CNTNAP3: variants seen among roughly 807,000 people sequenced by gnomAD.
CNTNAP3 encodes contactin-associated protein-like 3.
CNTNAP3 carries 36 observed loss-of-function variants against 92.1 expected under a neutral mutation model. The observed-to-expected ratio is 0.39, with a 90% CI of 0.30 to 0.52. The LOEUF is 0.52. Among genes scored for constraint, CNTNAP3 ranks in the 20% least tolerant of loss-of-function variants. CNTNAP3 has a pLI of 0.76. For missense variants in CNTNAP3, 534 were observed against 1,069.6 expected, an observed-to-expected ratio of 0.50 and a Z score of 6.98; for synonymous variants, 232 against 422.3, an observed-to-expected ratio of 0.55 and a Z score of 5.53.
chr9:39,116,232 T>C (rs972797096), intron 14 of CNTNAP3, among the ~76,000 whole-genome samples: 5 of 152,126 alleles, frequency 3.3e-5, no homozygotes, highest in Non-Finnish European at 7.4e-5. Flanking sequence ...TCTGGCTTTC[T>C]TGTAATAACC....
intron 18 of CNTNAP3, among the ~76,000 whole-genome samples, chr9:39,095,121 TCTCA>T (rs1448841599): frequency 6.6e-6 from 1 of 151,708 alleles, no homozygotes; most frequent in Non-Finnish European, 1.5e-5. Context: ...GTTTCCTTAA[TCTCA>T]CTTTCAGATT....
chr9:39,079,568 T>C (rs1825880784), intron 21 of CNTNAP3, among the ~76,000 whole-genome samples: 2 of 152,084 alleles, frequency 1.3e-5, no homozygotes. Flanking sequence ...AGCATTTAAC[T>C]GTTAATTTTA....
rs1410806751 is a variant in CNTNAP3, at chr9:39,109,233, A to C, written c.2292T>G (p.Ile764Met). ...GTGGTCGGCCTGCGTCTGTCATCAC[A>C]ATCTGAGTGACTGGCAGGTGCTCCT... Reference protein sequence around the residue: ...SQKEHLPVTQIVMTDAGRPHS... With the variant: ...SQKEHLPVTQMVMTDAGRPHS... Residue 764 changes from isoleucine to methionine, a missense_variant, in exon 15 of 24, where the codon ATT becomes ATG. Ile to Met is a conservative substitution (Grantham distance 10). Coordinates refer to ENST00000297668, the MANE Select transcript of CNTNAP3 (RefSeq NM_033655.5). 5 of 1,612,688 alleles carry C rather than the reference A, an allele frequency of 3.1e-6. No individual in the cohort carries two copies. Among genetic ancestry groups the C allele is most frequent in the Non-Finnish European group, 3.4e-6 (4 of 1,179,820 alleles).
intron 14 of CNTNAP3, among the ~76,000 whole-genome samples, chr9:39,116,200 A>G (rs1326459444): frequency 1.3e-5 from 2 of 151,994 alleles, no homozygotes; most frequent in South Asian, 4.2e-4. Flanking sequence ...CTAAGTTATA[A>G]AGCCACTAGC....
At chr9:39,094,534 G>T (rs2118454135) in intron 18 of CNTNAP3, among the ~76,000 whole-genome samples, 1 of 151,110 alleles carries the variant, frequency 6.6e-6, no homozygotes, top group Non-Finnish European at 1.5e-5. Context: ...GTTAATTTTG[G>T]TAAGGGTCTA....
intron 12 of CNTNAP3, 64 bp from the exon 13 acceptor site, chr9:39,133,199 G>A: frequency 6.7e-7 from 1 of 1,502,114 alleles, no homozygotes; most frequent in South Asian, 1.2e-5. Context: ...AAGAGGCAAA[G>A]CAGACCTGTC....
In CNTNAP3 at chr9:39,140,704, G is replaced by A; in HGVS notation, c.1757-66C>T. 8 of 1,509,606 alleles carry A rather than the reference G, an allele frequency of 5.3e-6. No individual in the cohort carries two copies. In the South Asian group the frequency reaches 5.5e-5, roughly 10 times the overall value. 93.5% of individuals were successfully genotyped at this position (1,509,606 alleles called of 1,614,324 possible). A position where few individuals can be genotyped will look rare whatever the true frequency, so the allele number is the denominator to read the frequency against. ...TCCAGATGTTGAGTCAGTGTCCAAA[G>A]GTTTGCATTTCTGAATTACAGACAT... On this transcript the variant is annotated intron_variant, in intron 11 of 23. Coordinates refer to ENST00000297668, the MANE Select transcript of CNTNAP3 (RefSeq NM_033655.5).
chr9:39,149,356 G>T (rs202214539), intron 10 of CNTNAP3, among the ~76,000 whole-genome samples: 27 of 145,602 alleles, frequency 1.9e-4, no homozygotes, highest in African/African-American at 3.5e-4. Context: ...TTTTGTTTTT[G>T]TTTTTTTTTT....
intron 14 of CNTNAP3, among the ~76,000 whole-genome samples, chr9:39,111,062 CAG>C (rs533034680): frequency 1.7e-3 from 257 of 152,176 alleles, no homozygotes; most frequent in African/African-American, 5.8e-3. Flanking sequence ...ATTGGCATGT[CAG>C]AGTTGTACAT....
chr9:39,105,428 AAAACAAACAAAC>A (rs538319512), intron 15 of CNTNAP3, among the ~76,000 whole-genome samples: 1 of 152,160 alleles, frequency 6.6e-6, no homozygotes, highest in African/African-American at 2.4e-5. Context: ...CTCCATCTCA[AAAACAAACAAAC>A]AAACAAACAA....
chr9:39,116,965 A>C (rs1187836501), intron 14 of CNTNAP3, among the ~76,000 whole-genome samples: 1 of 151,628 alleles, frequency 6.6e-6, no homozygotes, highest in East Asian at 1.9e-4. Context: ...ACCTGGATTG[A>C]CCATTACATT....
At chr9:39,149,656 C>G in intron 10 of CNTNAP3, 150 bp downstream of exon 10, 9 of 1,231,096 alleles carry the variant, frequency 7.3e-6, no homozygotes, top group Non-Finnish European at 8.9e-6. Flanking sequence ...ATGAAGTTTT[C>G]TAATCCTCAT....
intron 14 of CNTNAP3, among the ~76,000 whole-genome samples, chr9:39,113,563 A>G (rs1820761354): frequency 6.6e-6 from 1 of 151,816 alleles, no homozygotes; most frequent in Non-Finnish European, 1.5e-5. Context: ...ATTATCTACA[A>G]TATCTGCCAG....
intron 15 of CNTNAP3, among the ~76,000 whole-genome samples, chr9:39,107,830 A>AT (rs1003624359): frequency 3.3e-5 from 5 of 152,178 alleles, no homozygotes; most frequent in African/African-American, 7.2e-5. Flanking sequence ...AATAAAAACC[A>AT]TTTTTTCTTA....
intron 11 of CNTNAP3, 111 bp downstream of exon 11, chr9:39,144,129 C>G (rs1220219770): frequency 2.9e-5 from 41 of 1,399,902 alleles, no homozygotes; most frequent in African/African-American, 4.4e-5. Context: ...GCTGAAATAT[C>G]TCTTCTGATG....
At chr9:39,097,523 C>T (rs79888018) in intron 18 of CNTNAP3, among the ~76,000 whole-genome samples, 34,738 of 151,326 alleles carry the variant, frequency 0.23, 4,279 homozygotes, top group East Asian at 0.38. Flanking sequence ...ACCTGAAGAC[C>T]TTATGTCCTG....
chr9:39,090,618 A>G, intron 18 of CNTNAP3, among the ~76,000 whole-genome samples: 1 of 152,310 alleles, frequency 6.6e-6, no homozygotes, highest in Admixed American at 6.5e-5. Flanking sequence ...CTTTACAGTA[A>G]GTTTAGAAAT....
Position 39,143,624 on chromosome 9 carries a change from A to G in CNTNAP3, c.1756+616T>C, listed in dbSNP as rs559388950. ...TGCAAAGCAATAGCAGAGGGCTGAC[A>G]TAAGTACTCAATACATTAATACTTT... On this transcript the variant is annotated intron_variant, in intron 11 of 23. Transcript: ENST00000297668. Among the ~76,000 whole-genome samples, 191 of 152,344 alleles carry G rather than the reference A, an allele frequency of 1.3e-3. 2 individuals are homozygous for G. Among genetic ancestry groups the G allele is most frequent in the African/African-American group, 4.1e-3 (172 of 41,578 alleles).
rs754262952 is a variant in CNTNAP3, at chr9:39,103,800, G to A, written c.2480C>T (p.Ser827Phe). The change falls in exon 16 of 24, where the codon TCC (serine) becomes TTC (phenylalanine). Residue 827 changes from serine to phenylalanine, a missense_variant. Transcript: ENST00000297668. ...VCFFFKTTVS[S>F]GVFMENLGIT... ...CCCCAGGTTCTCCATAAACACCCCG[G>A]AGGAAACTGTGGTCTTAAAAAAGAA... 2 of 1,611,210 alleles carry A rather than the reference G, an allele frequency of 1.2e-6. No homozygotes were observed. The highest frequency in any genetic ancestry group is 1.7e-6 in the Non-Finnish European group (2 of 1,179,794).
Sources: gnomAD v4.1 joint callset for allele counts (sites outside exome capture counted in the v4.1 genomes callset) on GRCh38, gnomAD v4.1.1 for gene constraint, MANE v1.5 for transcripts, NCBI Gene and HGNC (gene_info 2026-07-23, HGNC 2026-07-21) for gene names.